The following CNTN3 variants were observed in gnomAD, a reference collection of about 807,000 sequenced individuals.
CNTN3 encodes the protein contactin 3.
A neutral mutation model predicts 119.1 loss-of-function variants in CNTN3; 60 were observed. The observed-to-expected ratio is 0.50, with a 90% CI of 0.41 to 0.62. The LOEUF is 0.62. Among genes scored for constraint, CNTN3 ranks in the 20% least tolerant of loss-of-function variants. The probability of loss-of-function intolerance (pLI) is 0.00; values close to 1 mark genes in which losing one functional copy is unlikely to be tolerated. For synonymous variants in CNTN3, 450 were observed against 438.7 expected, an observed-to-expected ratio of 1.03 and a Z score of -0.32; for missense variants, 1,101 against 1,242.4, an observed-to-expected ratio of 0.89 and a Z score of 1.71.
chr3:74,350,298 C>T (rs938895067), intron 11 of CNTN3, among the ~76,000 whole-genome samples: 1 of 152,064 alleles, frequency 6.6e-6, no homozygotes, highest in African/African-American at 2.4e-5. Flanking sequence ...AAAAGACATA[C>T]TAGCAGCCAA....
chr3:74,292,120 C>A (rs1160818289), intron 19 of CNTN3, among the ~76,000 whole-genome samples: 1 of 152,060 alleles, frequency 6.6e-6, no homozygotes, highest in African/African-American at 2.4e-5. Flanking sequence ...GCAGGCAACT[C>A]CTTTTGATAG....
intron 17 of CNTN3, among the ~76,000 whole-genome samples, chr3:74,298,908 G>GAAAAA (rs1702398111): frequency 8.1e-6 from 1 of 124,056 alleles, no homozygotes; most frequent in African/African-American, 3.8e-5. Context: ...AAAAAAAAAG[G>GAAAAA]GAAGTAAATA....
intron 13 of CNTN3, among the ~76,000 whole-genome samples, chr3:74,308,038 C>A (rs1702599774): frequency 6.6e-6 from 1 of 152,122 alleles, no homozygotes; most frequent in Non-Finnish European, 1.5e-5. Context: ...TCTCCAGGTG[C>A]CTTGAAAACA....
chr3:74,591,850 T>G (rs569821080), intron 1 of CNTN3, among the ~76,000 whole-genome samples: 2 of 151,824 alleles, frequency 1.3e-5, no homozygotes, highest in East Asian at 3.9e-4. Flanking sequence ...TGGGCCTTGG[T>G]TGGCAATGTG....
At position 74,458,322 on chromosome 3, in the gene CNTN3, C is replaced by T. The variant is rs186946135; in HGVS notation, c.358+28134G>A. On this transcript the variant is annotated intron_variant, in intron 4 of 22. Coordinates refer to ENST00000263665, the MANE Select transcript of CNTN3 (RefSeq NM_020872.3). ...AATGGTTTCAGGAGTTGGCAAACTA[C>T]AGCTGGAGGGCCAGATCCAGGCTGC... is the stretch of plus-strand genomic sequence containing the variant. 4.6e-5 allele frequency among the ~76,000 whole-genome samples: 7 copies of T among 152,092 alleles called. No individual in the cohort carries two copies. In the East Asian group the frequency reaches 7.8e-4, roughly 17 times the overall value.
intron 4 of CNTN3, among the ~76,000 whole-genome samples, chr3:74,466,372 A>G (rs761371488): frequency 5.3e-5 from 8 of 152,204 alleles, no homozygotes; most frequent in Non-Finnish European, 1.0e-4. Flanking sequence ...AAAACCATGG[A>G]TAAAATATCA....
chr3:74,391,532 T>C (rs1704900357), intron 5 of CNTN3, among the ~76,000 whole-genome samples: 1 of 151,156 alleles, frequency 6.6e-6, no homozygotes, highest in Non-Finnish European at 1.5e-5. Context: ...ATGTTACTTA[T>C]TAGTATTTTG....
chr3:74,444,918 A>G (rs750929164), intron 4 of CNTN3, among the ~76,000 whole-genome samples: 11 of 152,198 alleles, frequency 7.2e-5, no homozygotes, highest in Non-Finnish European at 1.3e-4. Context: ...ATTTTTATGT[A>G]GCACCAAAAT....
chr3:74,591,885 T>G (rs1448637041), intron 1 of CNTN3, among the ~76,000 whole-genome samples: 2 of 151,680 alleles, frequency 1.3e-5, no homozygotes, highest in African/African-American at 4.8e-5. Context: ...GAAGACAGGA[T>G]AGATAATCAG....
rs1464676605 is a variant in CNTN3 at position 74,344,547 on chromosome 3, T to G, written c.1365-7889A>C. ...TTCACGCCATTCTCCTGCTTCAGCCTCCCGGGTTCACGCCATTCTCCTGCC... is the reference window on the plus strand; with the variant it reads ...TTCACGCCATTCTCCTGCTTCAGCCGCCCGGGTTCACGCCATTCTCCTGCC... On this transcript the variant is annotated intron_variant, in intron 11 of 22. Coordinates refer to ENST00000263665, the MANE Select transcript of CNTN3 (RefSeq NM_020872.3). Among the ~76,000 whole-genome samples the G allele has an allele frequency of 5.0e-5, 3 of 59,554 alleles. No homozygotes were observed. The South Asian group carries it at 1.9e-3, about 39-fold the overall frequency. The allele number at this position is 59,554 out of a possible 152,430, so 39.1% of individuals were successfully genotyped here. A position where few individuals can be genotyped will look rare whatever the true frequency, so the allele number is the denominator to read the frequency against.
rs1030896651 is a variant in CNTN3 at position 74,452,451 on chromosome 3, T to C, written c.359-27511A>G. 3.8e-4 allele frequency among the ~76,000 whole-genome samples: 56 copies of C among 148,148 alleles called. 1 individual carries two copies. The East Asian group carries it at 6.9e-3, about 18-fold the overall frequency. ...GGGGTTTTCTAGATATACAATCATG[T>C]CATCTGCAAACAGGGACAATTTGAC... On this transcript the variant is annotated intron_variant, in intron 4 of 22. Coordinates refer to ENST00000263665, the MANE Select transcript of CNTN3 (RefSeq NM_020872.3).
chr3:74,428,983 T>C (rs1401081351), intron 4 of CNTN3, among the ~76,000 whole-genome samples: 2 of 152,226 alleles, frequency 1.3e-5, no homozygotes, highest in African/African-American at 2.4e-5. Context: ...CAATAGGCTA[T>C]ACTATACAGC....
rs142853300 is a variant in CNTN3 at position 74,369,825 on chromosome 3, C to T, written c.761+64G>A. ...ATAAAAAAGAAGAGTCTCTCAAAAACCATCCTGATTTCTTATAGCAACCTA... is the reference window on the plus strand; with the variant it reads ...ATAAAAAAGAAGAGTCTCTCAAAAATCATCCTGATTTCTTATAGCAACCTA... On this transcript the variant is annotated intron_variant, in intron 7 of 22. Transcript: ENST00000263665. 881 of 886,718 alleles carry T rather than the reference C, an allele frequency of 9.9e-4. 4 individuals carry two copies. In the African/African-American group the frequency reaches 0.013, roughly 13 times the overall value. 54.9% of individuals were successfully genotyped at this position (886,718 alleles called of 1,614,324 possible). A position where few individuals can be genotyped will look rare whatever the true frequency, so the allele number is the denominator to read the frequency against.
chr3:74,482,036 A>G (rs1204363105), intron 4 of CNTN3, among the ~76,000 whole-genome samples: 1 of 151,942 alleles, frequency 6.6e-6, no homozygotes, highest in Non-Finnish European at 1.5e-5. Flanking sequence ...TTCCTCAAAG[A>G]AAACTCCAAG....
intron 5 of CNTN3, among the ~76,000 whole-genome samples, chr3:74,415,974 G>A (rs1235398268): frequency 6.6e-6 from 1 of 152,208 alleles, no homozygotes; most frequent in Non-Finnish European, 1.5e-5. Context: ...GTTGGAATGT[G>A]CTGGCTGGGC....
In CNTN3 at chr3:74,334,604, G is replaced by A. The variant is rs1308871351; in HGVS notation, c.1668+131C>T. ...TAAAATTAGATCAAAACAGAACTGA[G>A]AACCACTCAACCAAAACCACTTATT... On this transcript the variant is annotated intron_variant, in intron 13 of 22. Coordinates refer to ENST00000263665, the MANE Select transcript of CNTN3 (RefSeq NM_020872.3). 7 of 732,960 alleles carry A rather than the reference G, an allele frequency of 9.6e-6. No individual in the cohort carries two copies. In the East Asian group the frequency reaches 1.9e-4, roughly 20 times the overall value. The allele number at this position is 732,960 out of a possible 1,614,324, so 45.4% of individuals were successfully genotyped here.
intron 4 of CNTN3, among the ~76,000 whole-genome samples, chr3:74,437,546 A>G (rs1330208267): frequency 6.6e-6 from 1 of 152,178 alleles, no homozygotes; most frequent in Non-Finnish European, 1.5e-5. Flanking sequence ...AAAAACACAT[A>G]ACAACAACAA....
chr3:74,334,991 T>G lies in CNTN3; in HGVS notation c.1493-81A>C, dbSNP rs473333. 1.0e-3 allele frequency: 1,041 copies of G among 1,012,812 alleles called. 12 individuals are homozygous for G. In the African/African-American group the frequency reaches 0.015, roughly 15 times the overall value. The allele number at this position is 1,012,812 out of a possible 1,614,324, so 62.7% of individuals were successfully genotyped here. ...TGCACAGGCAGACTGTTCATCTAAC[T>G]TATACTGTGTATGTCTGTAGATGCA... On this transcript the variant is annotated intron_variant, in intron 12 of 22. Transcript: ENST00000263665.
intron 3 of CNTN3, among the ~76,000 whole-genome samples, chr3:74,488,904 T>C (rs1474538047): frequency 3.3e-5 from 5 of 152,206 alleles, no homozygotes. Flanking sequence ...AAGTAAACTC[T>C]CTTATTATCC....
Sources: gnomAD v4.1 joint callset for allele counts (sites outside exome capture counted in the v4.1 genomes callset) on GRCh38, gnomAD v4.1.1 for gene constraint, MANE v1.5 for transcripts, NCBI Gene and HGNC (gene_info 2026-07-23, HGNC 2026-07-21) for gene names.